CTSS: variants seen among roughly 807,000 people sequenced by gnomAD.
The protein encoded by CTSS is cathepsin S.
Under a neutral mutation model 39.9 loss-of-function variants are expected in CTSS, and 15 were observed. The ratio of observed to expected loss-of-function variants is 0.38; its 90% CI spans 0.25 to 0.58. CTSS has a LOEUF of 0.58. Among genes scored for constraint, CTSS ranks in the 20% least tolerant of loss-of-function variants. The pLI, the probability that CTSS is intolerant of heterozygous loss-of-function variation, is 0.70. For synonymous variants in CTSS, 126 were observed against 138.2 expected (o/e 0.91, Z 0.62); for missense variants, 250 against 398.2 (o/e 0.63, Z 3.17).
intron 4 of CTSS, among the ~76,000 whole-genome samples, chr1:150,752,464 A>T (rs1462307445): frequency 6.6e-6 from 1 of 152,194 alleles, no homozygotes; most frequent in Non-Finnish European, 1.5e-5. Flanking sequence ...AACCTTTGTT[A>T]TCTTCAGAAT....
At chr1:150,758,564 G>GC (rs1653182111) in intron 2 of CTSS, among the ~76,000 whole-genome samples, 1 of 151,338 alleles carries the variant, frequency 6.6e-6, no homozygotes, top group Non-Finnish European at 1.5e-5. Flanking sequence ...ACAGAGTCTT[G>GC]CTCTGTCACT....
chr1:150,746,050 C>G (rs1159540937), intron 7 of CTSS, among the ~76,000 whole-genome samples: 2 of 152,174 alleles, frequency 1.3e-5, no homozygotes. Flanking sequence ...CCTCCAGTCC[C>G]TGGCAGCTAT....
chr1:150,743,620 ATATTATGTATACATAATATATTATATATG>A (rs1652820851), intron 7 of CTSS, among the ~76,000 whole-genome samples: 2 of 80,104 alleles, frequency 2.5e-5, no homozygotes, highest in Non-Finnish European at 5.7e-5. Flanking sequence ...TTATATATGT[ATATTATGTATACATAATATATTATATATG>A]TATATTATGT....
chr1:150,752,363 G>A (rs1030518616), intron 4 of CTSS, among the ~76,000 whole-genome samples: 2 of 152,174 alleles, frequency 1.3e-5, no homozygotes, highest in African/African-American at 4.8e-5. Flanking sequence ...TTTTGAGAGA[G>A]CTAGGATGAT....
chr1:150,759,394 T>C (rs947788613), intron 2 of CTSS, among the ~76,000 whole-genome samples: 5 of 152,120 alleles, frequency 3.3e-5, no homozygotes, highest in Admixed American at 6.5e-5. Flanking sequence ...CCTCAAACTC[T>C]CTTTCATCTC....
Position 150,733,063 on chromosome 1 carries a change from A to G in CTSS, c.979T>C (p.Ser327Pro). The G allele has an allele frequency of 6.2e-7, 1 of 1,611,322 alleles. No individual in the cohort carries two copies. Among genetic ancestry groups the G allele is most frequent in the Non-Finnish European group, 8.5e-7 (1 of 1,177,688 alleles). The change falls in exon 8 of 8, where the codon TCT becomes CCT. Residue 327 changes from serine (S) to proline (P), a missense_variant. Physicochemically the swap from Ser to Pro is moderately conservative, Grantham distance 74. Coordinates refer to ENST00000368985, the MANE Select transcript of CTSS (RefSeq NM_004079.5). Reference sequence around the variant, plus strand: ...GAGATCCTCTAGATTTCTGGGTAAGAGGGAAAGCTAGCAATCCCACAATGA... The same window carrying G: ...GAGATCCTCTAGATTTCTGGGTAAGGGGGAAAGCTAGCAATCCCACAATGA... ...GNHCGIASFP[S>P]YPEI
At chr1:150,754,877 G>T in intron 4 of CTSS, 124 bp downstream of exon 4, 3 of 1,037,994 alleles carry the variant, frequency 2.9e-6, no homozygotes, top group South Asian at 1.9e-5. Context: ...GGGAAGACAA[G>T]AATAACAAAA....
chr1:150,746,107 T>C (rs1281116662), intron 7 of CTSS, among the ~76,000 whole-genome samples: 1 of 152,164 alleles, frequency 6.6e-6, no homozygotes, highest in African/African-American at 2.4e-5. Flanking sequence ...AGATCCCACA[T>C]ATAAGTAAGA....
intron 6 of CTSS, chr1:150,748,107 T>C (rs1255184797): frequency 5.6e-6 from 2 of 358,804 alleles, no homozygotes; most frequent in East Asian, 1.1e-4. Context: ...CTGGCCAACA[T>C]GGTGACACCC....
Position 150,733,012 on chromosome 1 carries a change from T to C in CTSS, c.*34A>G, listed in dbSNP as rs768760559. On this transcript the variant is annotated 3_prime_UTR_variant, in exon 8 of 8. Coordinates refer to ENST00000368985, the MANE Select transcript of CTSS (RefSeq NM_004079.5). ...AATTAAGTTAAGAGAAAGTGCTTCA[T>C]ATTTCTTGATTTGTTATAAAAAGGA... is the stretch of plus-strand genomic sequence containing the variant. 1.2e-5 allele frequency: 18 copies of C among 1,459,890 alleles called. No homozygotes were observed. Among genetic ancestry groups the C allele is most frequent in the Non-Finnish European group, 1.5e-5 (16 of 1,047,352 alleles). 90.4% of individuals were successfully genotyped at this position (1,459,890 alleles called of 1,614,324 possible). A position where few individuals can be genotyped will look rare whatever the true frequency, so the allele number is the denominator to read the frequency against.
chr1:150,745,957 G>A (rs1254948266), intron 7 of CTSS, among the ~76,000 whole-genome samples: 3 of 152,058 alleles, frequency 2.0e-5, no homozygotes, highest in Non-Finnish European at 4.4e-5. Context: ...ATCTCCACCC[G>A]TGCTGTACCT....
chr1:150,739,242 T>C (rs1652696342), intron 7 of CTSS, among the ~76,000 whole-genome samples: 1 of 151,914 alleles, frequency 6.6e-6, no homozygotes, highest in Non-Finnish European at 1.5e-5. Context: ...AGTGTTCAAG[T>C]GAAAGGAAGA....
Position 150,733,137 on chromosome 1 carries a change from T to G in CTSS, c.905A>C (p.His302Pro). 6.2e-7 allele frequency: 1 copy of G among 1,610,460 alleles called. No individual in the cohort carries two copies. Residue 302 changes from histidine to proline, a missense_variant, in exon 8 of 8, where the codon CAC (histidine) becomes CCC (proline). His to Pro is a moderately conservative substitution (Grantham distance 77). Transcript: ENST00000368985. The stretch of plus-strand genomic sequence containing the variant: ...AATATATCCTTCTTCACCAAAGTTG[T>G]GGCCCCAGCTTTAGAAAAAGAAATA... Reference protein sequence around the residue: ...EYWLVKNSWGHNFGEEGYIRM... With the variant: ...EYWLVKNSWGPNFGEEGYIRM...
In CTSS at chr1:150,733,052, T is replaced by A. The variant is rs1303844790; in HGVS notation, c.990A>T (p.Glu330Asp). The A allele has an allele frequency of 1.2e-6, 2 of 1,607,936 alleles. No homozygotes were observed. Among genetic ancestry groups the A allele is most frequent in the East Asian group, 2.2e-5 (1 of 44,802 alleles). The change falls in exon 8 of 8, where the codon GAA becomes GAT. Residue 330 changes from glutamate to aspartate, a missense_variant. Coordinates refer to ENST00000368985, the MANE Select transcript of CTSS (RefSeq NM_004079.5). ...TATAAAAAGGAGAGATCCTCTAGAT[T>A]TCTGGGTAAGAGGGAAAGCTAGCAA... is the stretch of plus-strand genomic sequence containing the variant. The part of the protein sequence containing the change: ...CGIASFPSYP[E>D]I
intron 2 of CTSS, among the ~76,000 whole-genome samples, chr1:150,759,629 T>G (rs2101926075): frequency 6.6e-6 from 1 of 152,326 alleles, no homozygotes; most frequent in South Asian, 2.1e-4. Context: ...CTTTTGAAAA[T>G]TCATTTTTGA....
chr1:150,757,354 G>A (rs756491058), intron 3 of CTSS, among the ~76,000 whole-genome samples: 5 of 152,186 alleles, frequency 3.3e-5, no homozygotes, highest in Admixed American at 2.6e-4. Flanking sequence ...GGAGATTCCT[G>A]CATTTAAGAA....
At position 150,730,558 on chromosome 1, in the gene CTSS, CAGA is replaced by C. The variant is rs55960943; in HGVS notation, c.*2485_*2487del. The C allele has an allele frequency of 0.38, 57,044 of 151,686 alleles. 10,954 individuals carry two copies. The highest frequency in any genetic ancestry group is 0.54 in the South Asian group (2,594 of 4,802). The allele number at this position is 151,686 out of a possible 1,614,324, so 9.4% of individuals were successfully genotyped here. ...GGCTGCTTCTGGGGAGAACAGCAGG[CAGA>C]AGGTCAGAGTCACCTTCCTGCTTCT... is the stretch of plus-strand genomic sequence containing the variant. On this transcript the variant is annotated 3_prime_UTR_variant, in exon 8 of 8. Transcript: ENST00000368985.
chr1:150,741,590 C>G (rs1652757221), intron 7 of CTSS, among the ~76,000 whole-genome samples: 1 of 152,186 alleles, frequency 6.6e-6, no homozygotes, highest in African/African-American at 2.4e-5. Context: ...TAATGGGACA[C>G]TGGCTGTGCG....
intron 6 of CTSS, among the ~76,000 whole-genome samples, chr1:150,748,774 G>C (rs1255155536): frequency 6.6e-6 from 1 of 151,972 alleles, no homozygotes; most frequent in Non-Finnish European, 1.5e-5. Context: ...CAAATTGAAG[G>C]TTTGTGGCAA....
Sources: gnomAD v4.1 joint callset for allele counts (sites outside exome capture counted in the v4.1 genomes callset) on GRCh38, gnomAD v4.1.1 for gene constraint, MANE v1.5 for transcripts, NCBI Gene and HGNC (gene_info 2026-07-23, HGNC 2026-07-21) for gene names.